Variants in GALNT18 observed in about 807,000 individuals in gnomAD.
GALNT18 encodes the protein GalNAc-transferase 18.
GALNT18 carries 44 observed loss-of-function variants against 69.5 expected under a neutral mutation model. The observed-to-expected ratio is 0.63, with a 90% CI of 0.50 to 0.81. GALNT18 has a LOEUF of 0.81. GALNT18 is among the 40% of genes least tolerant of loss of function. The pLI is 0.00. For synonymous variants in GALNT18, 364 were observed against 318.2 expected, an observed-to-expected ratio of 1.14 and a Z score of -1.53; for missense variants, 715 against 810.0, an observed-to-expected ratio of 0.88 and a Z score of 1.42.
At chr11:11,409,684 A>G (rs950479529) in intron 3 of GALNT18, among the ~76,000 whole-genome samples, 3 of 150,274 alleles carry the variant, frequency 2.0e-5, no homozygotes, top group African/African-American at 4.9e-5. Flanking sequence ...AAAGACAGTC[A>G]TTGTGCCCTG....
At chr11:11,274,082 T>TTG (rs1253234648) in intron 10 of GALNT18, among the ~76,000 whole-genome samples, 1 of 151,730 alleles carries the variant, frequency 6.6e-6, no homozygotes. Context: ...GTGCAAGGGG[T>TTG]TGGGGGATCT....
chr11:11,403,344 G>T (rs1278005740), intron 3 of GALNT18, among the ~76,000 whole-genome samples: 1 of 152,164 alleles, frequency 6.6e-6, no homozygotes, highest in Non-Finnish European at 1.5e-5. Context: ...ATGGCTGTGG[G>T]TGAGAGAAAA....
Position 11,309,088 on chromosome 11 carries a change from G to A in GALNT18, c.1513-15895C>T, listed in dbSNP as rs1163964524. ...CTAATGGAAGGTGTTTGGATCACTG[G>A]AGCACTGCCCTCATGAATGGATTAG... On this transcript the variant is annotated intron_variant, in intron 9 of 10. Coordinates refer to ENST00000227756, the MANE Select transcript of GALNT18 (RefSeq NM_198516.3). The surrounding 1 kb of genome is among the most constrained non-coding windows in gnomAD (Gnocchi z 4.6). 6.6e-6 allele frequency among the ~76,000 whole-genome samples: 1 copy of A among 152,202 alleles called. No homozygotes were observed. The highest frequency in any genetic ancestry group is 2.4e-5 in the African/African-American group (1 of 41,440).
chr11:11,274,253 G>C (rs951671010), intron 10 of GALNT18, among the ~76,000 whole-genome samples: 3 of 152,224 alleles, frequency 2.0e-5, no homozygotes, highest in African/African-American at 7.2e-5. Context: ...CAGGGTGGCT[G>C]TTTGGGCAGA....
At position 11,586,850 on chromosome 11, in the gene GALNT18, T is replaced by A. The variant is rs767876713; in HGVS notation, c.235+34509A>T. ...CACACACACAAAAAAAAGCCAGGTG[T>A]GGTGGCGGGCGTCTGTAATCCCAGC... On this transcript the variant is annotated intron_variant, in intron 1 of 10. Transcript: ENST00000227756. The surrounding 1 kb of genome is among the most constrained non-coding windows in gnomAD (Gnocchi z 4.1). Among the ~76,000 whole-genome samples, 10 of 151,602 alleles carry A rather than the reference T, an allele frequency of 6.6e-5. No homozygotes were observed. The highest frequency in any genetic ancestry group is 3.9e-4 in the Admixed American group (6 of 15,210).
intron 10 of GALNT18, among the ~76,000 whole-genome samples, chr11:11,275,891 T>C (rs907070314): frequency 2.0e-5 from 3 of 152,192 alleles, no homozygotes; most frequent in Admixed American, 6.5e-5. Context: ...CATTGGTCTA[T>C]CTCTCTGTTT....
chr11:11,462,542 CT>C (rs1856069681), intron 1 of GALNT18, among the ~76,000 whole-genome samples: 1 of 152,196 alleles, frequency 6.6e-6, no homozygotes, highest in Admixed American at 6.5e-5. Context: ...ATCCACCCGC[CT>C]CAGCCTCCCA....
chr11:11,446,071 A>T (rs1855644559), intron 2 of GALNT18, among the ~76,000 whole-genome samples: 1 of 152,164 alleles, frequency 6.6e-6, no homozygotes, highest in Non-Finnish European at 1.5e-5. Flanking sequence ...GCCGATGTCA[A>T]AGCCACGATC....
At chr11:11,274,926 TTTTG>T (rs751796582) in intron 10 of GALNT18, among the ~76,000 whole-genome samples, 10 of 152,364 alleles carry the variant, frequency 6.6e-5, no homozygotes, top group Middle Eastern at 6.8e-3. Context: ...ATGTGACACA[TTTTG>T]TTTATCCAGT....
At chr11:11,365,065 C>T (rs1564911761) in intron 6 of GALNT18, among the ~76,000 whole-genome samples, 2 of 151,916 alleles carry the variant, frequency 1.3e-5, no homozygotes, top group African/African-American at 4.8e-5. Flanking sequence ...GAGTGCAGAA[C>T]ATGCAGGTTT....
intron 6 of GALNT18, among the ~76,000 whole-genome samples, chr11:11,357,726 T>C (rs532199434): frequency 5.5e-4 from 84 of 152,274 alleles, no homozygotes; most frequent in Admixed American, 1.0e-3. Flanking sequence ...GTGACAGTAA[T>C]TCTGGTTTCC....
chr11:11,621,316 T>A lies in GALNT18; in HGVS notation c.235+43A>T. The A allele has an allele frequency of 6.4e-7, 1 of 1,563,238 alleles. No individual in the cohort carries two copies. Among genetic ancestry groups the A allele is most frequent in the Non-Finnish European group, 8.8e-7 (1 of 1,138,042 alleles). On this transcript the variant is annotated intron_variant, in intron 1 of 10. Coordinates refer to ENST00000227756, the MANE Select transcript of GALNT18 (RefSeq NM_198516.3). The surrounding 1 kb of genome is among the most constrained non-coding windows in gnomAD (Gnocchi z 9.3). The stretch of plus-strand genomic sequence containing the variant: ...GCGCACCCCGCGCCGCGCGGGGCAC[T>A]CCCGGGCCTCATGGGCGACCCAAGT...
intron 3 of GALNT18, among the ~76,000 whole-genome samples, chr11:11,423,852 A>C (rs894607275): frequency 1.3e-5 from 2 of 152,204 alleles, no homozygotes; most frequent in Non-Finnish European, 2.9e-5. Flanking sequence ...GACATTGGTA[A>C]TGGTCCATAC....
At chr11:11,279,546 C>A (rs138384199) in intron 10 of GALNT18, among the ~76,000 whole-genome samples, 1 of 152,260 alleles carries the variant, frequency 6.6e-6, no homozygotes, top group Admixed American at 6.5e-5. Context: ...ATATAACTCA[C>A]GGTATATTCA....
rs187622009 is a variant in GALNT18 at position 11,600,104 on chromosome 11, C to T, written c.235+21255G>A. 3.6e-4 allele frequency among the ~76,000 whole-genome samples: 55 copies of T among 152,116 alleles called. No homozygotes were observed. The highest frequency in any genetic ancestry group is 3.4e-3 in the Middle Eastern group (1 of 294). ...AATATATATTACATTTCTATATAAG[C>T]TCAGCAGTACAATAATTTGCATTTT... On this transcript the variant is annotated intron_variant, in intron 1 of 10. Coordinates refer to ENST00000227756, the MANE Select transcript of GALNT18 (RefSeq NM_198516.3). The surrounding 1 kb of genome is among the most constrained non-coding windows in gnomAD (Gnocchi z 4.8).
At chr11:11,279,346 A>T (rs537089038) in intron 10 of GALNT18, among the ~76,000 whole-genome samples, 2 of 151,254 alleles carry the variant, frequency 1.3e-5, no homozygotes, top group Admixed American at 1.3e-4. Flanking sequence ...ATTTAAGACT[A>T]AAAAAAAACT....
chr11:11,290,109 A>T (rs1849270763), intron 10 of GALNT18, among the ~76,000 whole-genome samples: 1 of 151,842 alleles, frequency 6.6e-6, no homozygotes, highest in Non-Finnish European at 1.5e-5. Flanking sequence ...CTGAAGCAGT[A>T]CTCTTGTCGA....
At position 11,327,259 on chromosome 11, in the gene GALNT18, G is replaced by T. The variant is rs184968469; in HGVS notation, c.1417-78C>A. 389 of 1,058,510 alleles carry T rather than the reference G, an allele frequency of 3.7e-4. 3 individuals carry two copies. In the African/African-American group the frequency reaches 5.4e-3, roughly 15 times the overall value. 65.6% of individuals were successfully genotyped at this position (1,058,510 alleles called of 1,614,324 possible). ...AAATGAATTAACTCTGGAGAAACAA[G>T]TATTCTGCTGAGACAGATTTCATGT... On this transcript the variant is annotated intron_variant, in intron 8 of 10. Coordinates refer to ENST00000227756, the MANE Select transcript of GALNT18 (RefSeq NM_198516.3).
chr11:11,478,940 TCCCGCGGAGGTGGCACC>T, intron 1 of GALNT18, among the ~76,000 whole-genome samples: 1 of 151,632 alleles, frequency 6.6e-6, no homozygotes, highest in East Asian at 2.0e-4. Flanking sequence ...AGGTGGCATC[TCCCGCGGAGGTGGCACC>T]TCCTCAGGGC....
Sources: gnomAD v4.1 joint callset for allele counts (sites outside exome capture counted in the v4.1 genomes callset) on GRCh38, gnomAD v4.1.1 for gene constraint, Gnocchi (gnomAD v3.1) non-coding constraint, MANE v1.5 for transcripts, NCBI Gene and HGNC (gene_info 2026-07-23, HGNC 2026-07-21) for gene names.